Variants in DLG2 observed in about 807,000 individuals in gnomAD.
DLG2 encodes the protein disks large homolog 2.
Under a neutral mutation model 132.5 loss-of-function variants are expected in DLG2, and 45 were observed. That is an observed-to-expected ratio of 0.34 (90% CI 0.27 to 0.44). The LOEUF is 0.44. Ranked by LOEUF, DLG2 falls within the 20% of genes least tolerant of loss-of-function variation. The probability of loss-of-function intolerance (pLI) is 1.00; values close to 1 mark genes in which losing one functional copy is unlikely to be tolerated. For missense variants in DLG2, 1,045 were observed against 1,196.9 expected (o/e 0.87, Z 1.87); for synonymous variants, 424 against 419.6 (o/e 1.01, Z -0.13).
chr11:85,383,920 G>A (rs2086110264), intron 3 of DLG2, among the ~76,000 whole-genome samples: 1 of 152,090 alleles, frequency 6.6e-6, no homozygotes, highest in African/African-American at 2.4e-5. Context: ...TATTTGGAGT[G>A]CCCTTCTCCC....
chr11:85,497,758 G>A (rs2093701112), intron 3 of DLG2, among the ~76,000 whole-genome samples: 1 of 152,172 alleles, frequency 6.6e-6, no homozygotes, highest in Non-Finnish European at 1.5e-5. Flanking sequence ...AGCCAAAAGA[G>A]ACAGGGAGTC....
chr11:84,755,515 C>A (rs2066746928), intron 6 of DLG2, among the ~76,000 whole-genome samples: 1 of 152,216 alleles, frequency 6.6e-6, no homozygotes, highest in African/African-American at 2.4e-5. Flanking sequence ...GCTCCGCTTC[C>A]CGGGTTCAAG....
intron 6 of DLG2, among the ~76,000 whole-genome samples, chr11:84,746,725 C>T (rs1428229017): frequency 6.6e-6 from 1 of 152,210 alleles, no homozygotes; most frequent in African/African-American, 2.4e-5. Context: ...GACAATAATT[C>T]AAACTGCTTA....
chr11:85,160,015 G>T (rs1244624773), intron 4 of DLG2, among the ~76,000 whole-genome samples: 1 of 152,184 alleles, frequency 6.6e-6, no homozygotes, highest in Non-Finnish European at 1.5e-5. Context: ...AAAATTCAAA[G>T]AACTTCTACC....
intron 11 of DLG2, among the ~76,000 whole-genome samples, chr11:84,058,386 T>C (rs1418271441): frequency 6.6e-6 from 1 of 151,746 alleles, no homozygotes; most frequent in Non-Finnish European, 1.5e-5. Context: ...CCAGGTACAG[T>C]GGCTCTCACC....
At position 83,484,896 on chromosome 11, in the gene DLG2, TTTAACAATAA is replaced by T. The variant is rs1411640297; in HGVS notation, c.2194-678_2194-669del. ...ACAACATTTTTATTCAAAAGAGATT[TTTAACAATAA>T]TTAACAATAATTTAGCCCCAAGCCC... On this transcript the variant is annotated intron_variant, in intron 21 of 27. Coordinates refer to ENST00000376104, the MANE Select transcript of DLG2 (RefSeq NM_001142699.3). 3.9e-5 allele frequency among the ~76,000 whole-genome samples: 6 copies of T among 152,256 alleles called. No homozygotes were observed. In the South Asian group the frequency reaches 1.0e-3, roughly 26 times the overall value.
intron 18 of DLG2, among the ~76,000 whole-genome samples, chr11:83,696,629 A>G (rs1480085551): frequency 6.6e-6 from 1 of 152,236 alleles, no homozygotes; most frequent in Non-Finnish European, 1.5e-5. Context: ...ATAATCTACT[A>G]TAGATATAAT....
chr11:84,661,377 G>A (rs1183116529), intron 6 of DLG2, among the ~76,000 whole-genome samples: 1 of 152,050 alleles, frequency 6.6e-6, no homozygotes, highest in African/African-American at 2.4e-5. Context: ...ATCTATCTGG[G>A]TTCTATCTCT....
At chr11:83,541,505 G>A (rs1041024280) in intron 20 of DLG2, among the ~76,000 whole-genome samples, 177 bp downstream of exon 20, 3 of 152,060 alleles carry the variant, frequency 2.0e-5, no homozygotes, top group Non-Finnish European at 4.4e-5. Flanking sequence ...CCCTAATATA[G>A]GAAAAAGAGG....
At chr11:85,314,825 A>C (rs1349876617) in intron 3 of DLG2, among the ~76,000 whole-genome samples, 1 of 151,980 alleles carries the variant, frequency 6.6e-6, no homozygotes, top group African/African-American at 2.4e-5. Flanking sequence ...GAGGGGAGAA[A>C]GGAGAGATAC....
At chr11:84,192,382 A>G (rs1435661904) in intron 8 of DLG2, among the ~76,000 whole-genome samples, 2 of 152,200 alleles carry the variant, frequency 1.3e-5, no homozygotes, top group Admixed American at 6.5e-5. Flanking sequence ...ACATGCACGT[A>G]AAGAATATAT....
At chr11:85,103,925 A>G (rs530147042) in intron 6 of DLG2, among the ~76,000 whole-genome samples, 1 of 151,906 alleles carries the variant, frequency 6.6e-6, no homozygotes, top group African/African-American at 2.4e-5. Flanking sequence ...AGACATTTTA[A>G]CAAGAAGATA....
chr11:85,129,791 G>A (rs2075517266), intron 5 of DLG2, among the ~76,000 whole-genome samples: 1 of 152,110 alleles, frequency 6.6e-6, no homozygotes, highest in Non-Finnish European at 1.5e-5. Context: ...CAATCGCAAA[G>A]ACTTGGAACC....
intron 3 of DLG2, among the ~76,000 whole-genome samples, chr11:85,584,968 G>A (rs184237935): frequency 1.1e-3 from 164 of 152,292 alleles, no homozygotes; most frequent in African/African-American, 3.8e-3. Context: ...TTACTCTGCT[G>A]ATTATTTCTT....
At chr11:84,416,397 C>T (rs1323541594) in intron 7 of DLG2, among the ~76,000 whole-genome samples, 1 of 152,038 alleles carries the variant, frequency 6.6e-6, no homozygotes, top group East Asian at 1.9e-4. Flanking sequence ...TTCCTTGTTT[C>T]CCACTTAAGC....
At chr11:85,618,775 A>G (rs941654416) in intron 2 of DLG2, among the ~76,000 whole-genome samples, 3 of 152,208 alleles carry the variant, frequency 2.0e-5, no homozygotes, top group East Asian at 1.9e-4. Context: ...TTAAAAATAA[A>G]TAAGTAAAAT....
In DLG2 at chr11:84,269,554, A is replaced by C. The variant is rs182364835; in HGVS notation, c.520-18263T>G. Among the ~76,000 whole-genome samples the C allele has an allele frequency of 3.3e-5, 5 of 152,340 alleles. No individual in the cohort carries two copies. The East Asian group carries it at 9.6e-4, about 29-fold the overall frequency. On this transcript the variant is annotated intron_variant, in intron 7 of 27. Coordinates refer to ENST00000376104, the MANE Select transcript of DLG2 (RefSeq NM_001142699.3). ...TGCATATGGTATTACAGTGATTTGC[A>C]AATCAATTTGAAAATTCTTGGGGGC...
chr11:84,786,631 T>C (rs2072942438), intron 6 of DLG2, among the ~76,000 whole-genome samples: 1 of 152,220 alleles, frequency 6.6e-6, no homozygotes, highest in Non-Finnish European at 1.5e-5. Context: ...TTAGGCCTTC[T>C]TCCTGTAAGA....
chr11:85,558,278 G>A (rs148637862), intron 3 of DLG2, among the ~76,000 whole-genome samples: 1 of 151,906 alleles, frequency 6.6e-6, no homozygotes, highest in Non-Finnish European at 1.5e-5. Flanking sequence ...AGTCAGAATG[G>A]CTATTTTTAA....
Sources: allele counts gnomAD v4.1 joint callset (sites outside exome capture counted in the v4.1 genomes callset), GRCh38; gene constraint gnomAD v4.1.1; transcripts MANE v1.5; gene names NCBI Gene and HGNC (gene_info 2026-07-23, HGNC 2026-07-21).